The following ARHGEF28 variants were observed in gnomAD, a reference collection of about 807,000 sequenced individuals.
The protein encoded by ARHGEF28 is Rho guanine nucleotide exchange factor 28, also known as 190 kDa guanine nucleotide exchange factor.
In ARHGEF28, 152 loss-of-function variants were observed where a neutral mutation model predicts 206.6. That is an observed-to-expected ratio of 0.74 (90% CI 0.64 to 0.84). The LOEUF is 0.84. ARHGEF28 is among the 40% of genes least tolerant of loss of function. The pLI, the probability that ARHGEF28 is intolerant of heterozygous loss-of-function variation, is 0.00. For missense variants in ARHGEF28, 2,028 were observed against 2,073.2 expected (o/e 0.98, Z 0.42); for synonymous variants, 763 against 776.4 (o/e 0.98, Z 0.29).
At chr5:73,791,931 C>T (rs1754507936) in intron 7 of ARHGEF28, among the ~76,000 whole-genome samples, 1 of 152,102 alleles carries the variant, frequency 6.6e-6, no homozygotes, top group Non-Finnish European at 1.5e-5. Flanking sequence ...GTTGCTATAG[C>T]AATGAGTGGT....
In ARHGEF28 at chr5:73,801,228, C is replaced by T. The variant is rs186547844; in HGVS notation, c.1024+5837C>T. Among the ~76,000 whole-genome samples the T allele has an allele frequency of 6.4e-3, 977 of 152,154 alleles. 8 individuals carry two copies. Among genetic ancestry groups the T allele is most frequent in the African/African-American group, 0.018 (760 of 41,508 alleles). On this transcript the variant is annotated intron_variant, in intron 9 of 35. Transcript: ENST00000513042. ...TTGGGAGGCCGAGGCAGGCGGATCA[C>T]GAGGTCGGGAGATCGAGACCATCCT...
chr5:73,895,489 A>G (rs1761911149), intron 29 of ARHGEF28, among the ~76,000 whole-genome samples: 1 of 152,186 alleles, frequency 6.6e-6, no homozygotes. Flanking sequence ...TTGTAACCTG[A>G]GGGCAGCGGC....
intron 4 of ARHGEF28, among the ~76,000 whole-genome samples, chr5:73,756,534 C>T (rs949426994): frequency 1.3e-5 from 2 of 152,194 alleles, no homozygotes; most frequent in African/African-American, 4.8e-5. Context: ...TCGAATTTTA[C>T]TCTGAAGGTT....
intron 9 of ARHGEF28, among the ~76,000 whole-genome samples, chr5:73,804,655 T>C (rs1755336545): frequency 6.6e-6 from 1 of 152,210 alleles, no homozygotes. Context: ...CGTTAATAAA[T>C]ACTAGTCAGG....
At chr5:73,813,703 C>T (rs1047263437) in intron 9 of ARHGEF28, 8 of 1,524,128 alleles carry the variant, frequency 5.2e-6, no homozygotes, top group East Asian at 2.4e-5. Flanking sequence ...CTTTCCTTCA[C>T]GGGCAAAACC....
chr5:73,832,464 G>A lies in ARHGEF28; in HGVS notation c.1146+5G>A, dbSNP rs550279376. On this transcript the variant is annotated splice_donor_5th_base_variant and intron_variant, in intron 10 of 35. Transcript: ENST00000513042. ...AACTGTATGGTGATTGATCAGGTAA[G>A]GCCCAACTGACATTACAGGATGATT... 6.2e-7 allele frequency: 1 copy of A among 1,610,990 alleles called. No individual in the cohort carries two copies. Among genetic ancestry groups the A allele is most frequent in the East Asian group, 2.2e-5 (1 of 44,842 alleles).
At chr5:73,844,746 T>A (rs1323622434) in intron 11 of ARHGEF28, among the ~76,000 whole-genome samples, 4 of 132,034 alleles carry the variant, frequency 3.0e-5, no homozygotes, top group Admixed American at 2.3e-4. Flanking sequence ...ATTAAAATTA[T>A]AACTCCAGAA....
chr5:73,915,274 G>T (rs1306300708), intron 35 of ARHGEF28, among the ~76,000 whole-genome samples: 1 of 151,736 alleles, frequency 6.6e-6, no homozygotes, highest in Non-Finnish European at 1.5e-5. Context: ...ATACTCTTTA[G>T]CTTTACTTTT....
chr5:73,740,206 C>A (rs1353046872), intron 2 of ARHGEF28, among the ~76,000 whole-genome samples: 1 of 148,706 alleles, frequency 6.7e-6, no homozygotes, highest in Non-Finnish European at 1.5e-5. Context: ...GAAGGAGAAG[C>A]GAAAAATGAA....
intron 2 of ARHGEF28, among the ~76,000 whole-genome samples, chr5:73,720,215 A>G (rs1201499007): frequency 6.6e-6 from 1 of 152,226 alleles, no homozygotes; most frequent in African/African-American, 2.4e-5. Flanking sequence ...GAGATGAATA[A>G]TCATTGTATT....
chr5:73,719,446 T>A (rs1041056021), intron 2 of ARHGEF28, among the ~76,000 whole-genome samples: 10 of 151,766 alleles, frequency 6.6e-5, no homozygotes, highest in African/African-American at 2.4e-4. Context: ...ATGATTTGAA[T>A]TTTTCAAACT....
At chr5:73,904,812 C>G (rs1762459858) in intron 33 of ARHGEF28, 2 of 178,396 alleles carry the variant, frequency 1.1e-5, no homozygotes, top group African/African-American at 2.4e-5. Context: ...TTGCTTTACT[C>G]TTTTGTTTGT....
At chr5:73,788,149 A>G (rs1754270571) in intron 7 of ARHGEF28, among the ~76,000 whole-genome samples, 1 of 152,192 alleles carries the variant, frequency 6.6e-6, no homozygotes, top group African/African-American at 2.4e-5. Flanking sequence ...AAACTCAACT[A>G]AGTATTCTAA....
chr5:73,930,059 G>C (rs2112017791), intron 35 of ARHGEF28, among the ~76,000 whole-genome samples: 1 of 152,210 alleles, frequency 6.6e-6, no homozygotes, highest in Non-Finnish European at 1.5e-5. Context: ...TTTCCTATTA[G>C]AAGTGGAGAG....
chr5:73,752,925 G>T lies in ARHGEF28; in HGVS notation c.198G>T (p.Glu66Asp), dbSNP rs1015663560. The change falls in exon 4 of 36, where the codon GAG becomes GAT. Residue 66 changes from glutamate (E) to aspartate (D), a missense_variant. By Grantham distance (45) the Glu-to-Asp change is conservative. Transcript: ENST00000513042. ...QSSVPGHGLQETVTVSVCLCS... is the reference protein window; with the variant it reads ...QSSVPGHGLQDTVTVSVCLCS... ...GTTGTCCAGGCCATGGGCTTCAGGA[G>T]ACGGTGACGGTATCTGTGTGCCTCT... 6.2e-6 allele frequency: 10 copies of T among 1,613,798 alleles called. No homozygotes were observed. Among genetic ancestry groups the T allele is most frequent in the Non-Finnish European group, 8.5e-7 (1 of 1,179,886 alleles).
chr5:73,941,207 T>A lies in ARHGEF28; in HGVS notation c.*194T>A. ...AAAGCCACCCTGTTTGTATAATCTT[T>A]AACTTATCAAATCTAATTTCAGATT... On this transcript the variant is annotated 3_prime_UTR_variant, in exon 36 of 36. Coordinates refer to ENST00000513042, the MANE Select transcript of ARHGEF28 (RefSeq NM_001177693.2). The A allele has an allele frequency of 3.0e-6, 1 of 338,676 alleles. No individual in the cohort carries two copies. Among genetic ancestry groups the A allele is most frequent in the Non-Finnish European group, 5.0e-6 (1 of 201,238 alleles). The allele number at this position is 338,676 out of a possible 1,614,324, so 21.0% of individuals were successfully genotyped here.
At chr5:73,755,317 G>T (rs7709703) in intron 4 of ARHGEF28, among the ~76,000 whole-genome samples, 1,691 of 96,932 alleles carry the variant, frequency 0.017, 31 homozygotes, top group African/African-American at 0.049. Flanking sequence ...GTGTTTTTTT[G>T]GGGGGGTGTG....
intron 2 of ARHGEF28, among the ~76,000 whole-genome samples, chr5:73,686,591 T>C (rs1747490429): frequency 6.6e-6 from 1 of 150,942 alleles, no homozygotes; most frequent in Non-Finnish European, 1.5e-5. Context: ...CGGTCTCGGC[T>C]CACTGCAAGC....
intron 11 of ARHGEF28, among the ~76,000 whole-genome samples, chr5:73,844,424 G>A (rs1229481058): frequency 6.6e-6 from 1 of 152,088 alleles, no homozygotes; most frequent in African/African-American, 2.4e-5. Context: ...AGGAAACCAC[G>A]TAGCAACTTG....
Sources: allele counts gnomAD v4.1 joint callset (sites outside exome capture counted in the v4.1 genomes callset), GRCh38; gene constraint gnomAD v4.1.1; transcripts MANE v1.5; gene names NCBI Gene and HGNC (gene_info 2026-07-23, HGNC 2026-07-21).